The following FAM228B variants were observed in gnomAD, a reference collection of about 807,000 sequenced individuals.
FAM228B encodes protein FAM228B.
In FAM228B, 38 loss-of-function variants were observed where a neutral mutation model predicts 42.6. The ratio of observed to expected loss-of-function variants is 0.89; its 90% CI spans 0.69 to 1.17. The LOEUF is 1.17. Ranked by LOEUF, FAM228B falls within the 50% of genes most tolerant of loss-of-function variation. The pLI, the probability that FAM228B is intolerant of heterozygous loss-of-function variation, is 0.00. For missense variants in FAM228B, 344 were observed against 367.3 expected (o/e 0.94, Z 0.52); for synonymous variants, 109 against 122.3 (o/e 0.89, Z 0.72).
intron 3 of FAM228B, among the ~76,000 whole-genome samples, chr2:24,101,160 G>A (rs1477003765): frequency 1.3e-5 from 2 of 152,114 alleles, no homozygotes; most frequent in Non-Finnish European, 2.9e-5. Flanking sequence ...AATACCTAAT[G>A]TAAATGATGA....
At chr2:24,130,205 T>C (rs1666422524) in intron 2 of FAM228B, among the ~76,000 whole-genome samples, 1 of 152,384 alleles carries the variant, frequency 6.6e-6, no homozygotes, top group Non-Finnish European at 1.5e-5. Context: ...TTATCCAGTC[T>C]ATCATTGATG....
intron 3 of FAM228B, among the ~76,000 whole-genome samples, chr2:24,137,020 A>G (rs557429532): frequency 6.6e-6 from 1 of 152,268 alleles, no homozygotes; most frequent in South Asian, 2.1e-4. Flanking sequence ...GGAATCCTGT[A>G]CTATTTGTCC....
rs150447106 is a variant in FAM228B at position 24,099,308 on chromosome 2, A to C, written c.-121+4079A>C. 7.2e-5 allele frequency among the ~76,000 whole-genome samples: 11 copies of C among 152,320 alleles called. No individual in the cohort carries two copies. In the East Asian group the frequency reaches 1.7e-3, roughly 24 times the overall value. On this transcript the variant is annotated intron_variant, in intron 3 of 10. Coordinates refer to the FAM228B transcript ENST00000613899. ...AAGAGAAGGAAATAAAGGGTATTCA[A>C]TCAGGAAATGAGGAAGTCAAATTGT... is the stretch of plus-strand genomic sequence containing the variant.
chr2:24,164,249 A>C lies in FAM228B; in HGVS notation c.846A>C (p.Gly282=). The change falls in exon 9 of 11, where the codon GGA becomes GGC. Residue 282 remains glycine (G), a synonymous_variant. Transcript: ENST00000615575. ...GAGAACCGCTGTGCTATCAGGAGGGAAATAATCCAAGTGCCAAAGAGGCCA... is the reference window on the plus strand; with the variant it reads ...GAGAACCGCTGTGCTATCAGGAGGGCAATAATCCAAGTGCCAAAGAGGCCA... The part of the protein sequence containing the change: ...LEREPLCYQE[G]NNPSAKEAIS... 6.4e-7 allele frequency: 1 copy of C among 1,551,386 alleles called. No homozygotes were observed. Among genetic ancestry groups the C allele is most frequent in the Non-Finnish European group, 8.7e-7 (1 of 1,146,796 alleles).
intron 3 of FAM228B, among the ~76,000 whole-genome samples, chr2:24,116,713 G>C (rs928219927): frequency 2.0e-5 from 3 of 151,784 alleles, no homozygotes; most frequent in African/African-American, 7.3e-5. Flanking sequence ...ACATTAGCCT[G>C]TGTGGTGGCA....
chr2:24,144,792 C>T (rs1666855109), intron 5 of FAM228B, among the ~76,000 whole-genome samples: 1 of 152,110 alleles, frequency 6.6e-6, no homozygotes, highest in Non-Finnish European at 1.5e-5. Flanking sequence ...ATGCCTGCTG[C>T]CACTGAAAGC....
chr2:24,141,908 GC>G (rs1233963946), intron 5 of FAM228B, among the ~76,000 whole-genome samples: 2 of 152,094 alleles, frequency 1.3e-5, no homozygotes, highest in Non-Finnish European at 2.9e-5. Context: ...CTGGTCCCAG[GC>G]CCAGGTTGTA....
At chr2:24,128,131 TCA>T (rs1188344851) in intron 2 of FAM228B, among the ~76,000 whole-genome samples, 1 of 152,250 alleles carries the variant, frequency 6.6e-6, no homozygotes, top group African/African-American at 2.4e-5. Context: ...GCTTTTAAGT[TCA>T]CTAACTTTCT....
At chr2:24,115,330 A>C in intron 3 of FAM228B, 1 of 466,680 alleles carries the variant, frequency 2.1e-6, no homozygotes, top group Non-Finnish European at 3.9e-6. Flanking sequence ...GAGCCTCCCA[A>C]TAGATATGCT....
chr2:24,136,688 C>A (rs1232841281), intron 3 of FAM228B, among the ~76,000 whole-genome samples: 1 of 152,156 alleles, frequency 6.6e-6, no homozygotes, highest in Non-Finnish European at 1.5e-5. Flanking sequence ...AAAGGCCCAG[C>A]CCAAATGTCT....
chr2:24,100,620 C>T (rs924190783), intron 3 of FAM228B, among the ~76,000 whole-genome samples: 37 of 152,274 alleles, frequency 2.4e-4, no homozygotes, highest in African/African-American at 8.9e-4. Context: ...ACAACAGATG[C>T]TGGAGAGGAT....
At chr2:24,115,907 CAAAAAA>C (rs35038662) in intron 3 of FAM228B, among the ~76,000 whole-genome samples, 1 of 117,046 alleles carries the variant, frequency 8.5e-6, no homozygotes. Flanking sequence ...GGTTCCCATG[CAAAAAA>C]AAAAAAAAAA....
chr2:24,097,892 T>A (rs1665533636), intron 3 of FAM228B, among the ~76,000 whole-genome samples: 1 of 152,138 alleles, frequency 6.6e-6, no homozygotes, highest in South Asian at 2.1e-4. Flanking sequence ...AGTAAAGCAC[T>A]CCTCAGCAAA....
intron 10 of FAM228B, among the ~76,000 whole-genome samples, chr2:24,168,391 C>G (rs1346797419): frequency 6.6e-6 from 1 of 152,218 alleles, no homozygotes; most frequent in African/African-American, 2.4e-5. Context: ...GAAGTATGTG[C>G]TGCTGCAGAG....
intron 3 of FAM228B, among the ~76,000 whole-genome samples, chr2:24,107,253 AC>A (rs1377831188): frequency 6.6e-6 from 1 of 152,238 alleles, no homozygotes; most frequent in East Asian, 1.9e-4. Context: ...TACACACTCA[AC>A]ACAGGAGCAC....
intron 5 of FAM228B, among the ~76,000 whole-genome samples, chr2:24,145,853 T>C (rs1029195419): frequency 5.9e-5 from 9 of 151,888 alleles, no homozygotes; most frequent in African/African-American, 2.2e-4. Flanking sequence ...CACGCCTGGC[T>C]AAATTTTTTG....
In FAM228B at chr2:24,077,675, C is replaced by T. The variant is rs1664814050; in HGVS notation, c.-290+706C>T. The T allele has an allele frequency of 6.2e-7, 1 of 1,613,956 alleles. No individual in the cohort carries two copies. The highest frequency in any genetic ancestry group is 8.5e-7 in the Non-Finnish European group (1 of 1,180,010). ...TTTCGGTCACTGGGTAGATTCTGTCCAGAACCGGCAGCAGACGTTGGGGGC... is the reference window on the plus strand; with the variant it reads ...TTTCGGTCACTGGGTAGATTCTGTCTAGAACCGGCAGCAGACGTTGGGGGC... On this transcript the variant is annotated intron_variant, in intron 1 of 10. Coordinates refer to the FAM228B transcript ENST00000613899. The surrounding 1 kb of genome is among the most constrained non-coding windows in gnomAD (Gnocchi z 5.5).
chr2:24,096,348 G>A (rs1194329993), intron 3 of FAM228B: 2 of 152,190 alleles, frequency 1.3e-5, no homozygotes, highest in Non-Finnish European at 2.9e-5. Flanking sequence ...GCTAAAGGAG[G>A]ACGTTTGAAC....
intron 2 of FAM228B, among the ~76,000 whole-genome samples, chr2:24,087,060 A>G (rs1212219238): frequency 6.6e-6 from 1 of 152,146 alleles, no homozygotes; most frequent in Non-Finnish European, 1.5e-5. Flanking sequence ...AATACCAACC[A>G]CTAAGTATAC....
Sources: allele counts gnomAD v4.1 joint callset (sites outside exome capture counted in the v4.1 genomes callset), GRCh38; gene constraint gnomAD v4.1.1; non-coding constraint Gnocchi (gnomAD v3.1); transcripts MANE v1.5; gene names NCBI Gene and HGNC (gene_info 2026-07-23, HGNC 2026-07-21).